Variants in RBM28 observed in about 807,000 individuals in gnomAD.
RBM28 encodes the protein RNA binding motif protein 28.
RBM28 carries 78 observed loss-of-function variants against 98.3 expected under a neutral mutation model. The ratio of observed to expected loss-of-function variants is 0.79; its 90% confidence interval spans 0.66 to 0.96. The LOEUF (loss-of-function observed/expected upper bound fraction) is 0.96, where lower values mean the gene tolerates loss of function less well. Ranked by LOEUF, RBM28 falls within the 40% of genes least tolerant of loss-of-function variation. The probability of loss-of-function intolerance (pLI) is 0.00; values close to 1 mark genes in which losing one functional copy is unlikely to be tolerated. For synonymous variants in RBM28, 306 were observed against 330.9 expected, an observed-to-expected ratio of 0.92 and a Z score of 0.82; for missense variants, 838 against 913.0, an observed-to-expected ratio of 0.92 and a Z score of 1.06.
chr7:128,331,079 C>G, intron 9 of RBM28, 151 bp from the exon 10 acceptor site: 1 of 676,798 alleles, frequency 1.5e-6, no homozygotes, highest in Non-Finnish European at 2.7e-6. Context: ...CCCTTGGCCC[C>G]AACTGACTTT....
At chr7:128,323,409 A>T (rs1006698316) in intron 13 of RBM28, 118 bp downstream of exon 13, 1 of 1,174,696 alleles carries the variant, frequency 8.5e-7, no homozygotes, top group Non-Finnish European at 1.3e-6. Context: ...TAACAGGGCA[A>T]TAAGTATGGT....
chr7:128,302,988 T>G lies in RBM28; in HGVS notation c.*7809A>C, dbSNP rs1248815193. On this transcript the variant is annotated 3_prime_UTR_variant, in exon 19 of 19. Coordinates refer to ENST00000223073, the MANE Select transcript of RBM28 (RefSeq NM_018077.3). ...TATGTTGCCCAGGCTGGTCCTGAAC[T>G]CCTGGCCTCAAGGGATCCTCCCATC... 6.6e-6 allele frequency: 1 copy of G among 152,274 alleles called. No individual in the cohort carries two copies. The highest frequency in any genetic ancestry group is 1.5e-5 in the Non-Finnish European group (1 of 68,160). The allele number at this position is 152,274 out of a possible 1,614,324, so 9.4% of individuals were successfully genotyped here.
Position 128,300,842 on chromosome 7 carries a change from G to A in RBM28, c.*9955C>T, listed in dbSNP as rs561898219. Reference sequence around the variant, plus strand: ...TTTGCTCTGGAAAAGGAGGAACAGGGACCTGGGTGCCATCTCTTCACAGCG... The same window carrying A: ...TTTGCTCTGGAAAAGGAGGAACAGGAACCTGGGTGCCATCTCTTCACAGCG... On this transcript the variant is annotated 3_prime_UTR_variant, in exon 19 of 19. Coordinates refer to ENST00000223073, the MANE Select transcript of RBM28 (RefSeq NM_018077.3). The A allele has an allele frequency of 3.0e-4, 45 of 152,432 alleles. No homozygotes were observed. The highest frequency in any genetic ancestry group is 1.0e-3 in the African/African-American group (42 of 41,570). The allele number at this position is 152,432 out of a possible 1,614,324, so 9.4% of individuals were successfully genotyped here.
chr7:128,322,151 C>T (rs1043486908), intron 13 of RBM28, among the ~76,000 whole-genome samples: 1 of 152,078 alleles, frequency 6.6e-6, no homozygotes, highest in Non-Finnish European at 1.5e-5. Flanking sequence ...ACCAGCTCAA[C>T]TGATTATCTA....
chr7:128,311,226 C>T (rs1795977513), intron 18 of RBM28, among the ~76,000 whole-genome samples: 1 of 152,178 alleles, frequency 6.6e-6, no homozygotes, highest in South Asian at 2.1e-4. Context: ...AGCCTCAAAG[C>T]AGATGAGTCA....
At position 128,297,722 on chromosome 7, in the gene RBM28, A is replaced by G. The variant is rs1795724014; in HGVS notation, c.*13075T>C. 1 of 152,094 alleles carries G rather than the reference A, an allele frequency of 6.6e-6. No individual in the cohort carries two copies. The highest frequency in any genetic ancestry group is 2.4e-5 in the African/African-American group (1 of 41,408). The allele number at this position is 152,094 out of a possible 1,614,324, so 9.4% of individuals were successfully genotyped here. ...GTATGTTTATTGCGGCACTATTCAC[A>G]ATAGCAAAGACTTGGAACCAACCCA... On this transcript the variant is annotated 3_prime_UTR_variant, in exon 19 of 19. Transcript: ENST00000223073.
At chr7:128,314,626 T>C (rs186719998) in intron 17 of RBM28, 138 bp downstream of exon 17, 1,137 of 1,414,652 alleles carry the variant, frequency 8.0e-4, no homozygotes, top group Non-Finnish European at 1.1e-3. Flanking sequence ...ACTCGCGTGT[T>C]AACCCCATGT....
Position 128,324,597 on chromosome 7 carries a change from G to A in RBM28, c.1301C>T (p.Pro434Leu), listed in dbSNP as rs142762468. 2.8e-5 allele frequency: 46 copies of A among 1,614,060 alleles called. No homozygotes were observed. In the African/African-American group the frequency reaches 5.1e-4, roughly 18 times the overall value. Reference protein sequence around the residue: ...AKLQTTKVKKPTGTRNLYLAR... With the variant: ...AKLQTTKVKKLTGTRNLYLAR... ...CAGATAGAGATTCCGGGTGCCAGTC[G>A]GCTTCTTCACCTTCGTCGTCTGAAG... Residue 434 changes from proline (P) to leucine (L), a missense_variant, in exon 12 of 19, where the codon CCG becomes CTG. Transcript: ENST00000223073.
At chr7:128,329,496 T>C (rs1475063165) in intron 10 of RBM28, among the ~76,000 whole-genome samples, 1 of 152,214 alleles carries the variant, frequency 6.6e-6, no homozygotes. Context: ...GTTCTTAAGC[T>C]GTGGATAGGC....
At chr7:128,322,046 C>CAAA (rs10633144) in intron 13 of RBM28, among the ~76,000 whole-genome samples, 92 of 143,922 alleles carry the variant, frequency 6.4e-4, no homozygotes, top group African/African-American at 2.1e-3. Context: ...GAAATTCGGT[C>CAAA]AAAAAAAAAA....
chr7:128,311,761 A>AG (rs1795990498), intron 18 of RBM28, among the ~76,000 whole-genome samples: 1 of 150,940 alleles, frequency 6.6e-6, no homozygotes, highest in South Asian at 2.1e-4. Flanking sequence ...AGAGAGAGAG[A>AG]AAAAAAAAAT....
intron 2 of RBM28, 27 bp from the exon 3 acceptor site, chr7:128,339,348 G>T: frequency 6.5e-7 from 1 of 1,548,972 alleles, no homozygotes; most frequent in Non-Finnish European, 8.9e-7. Flanking sequence ...AATGGAATAA[G>T]TACTCGAAAA....
chr7:128,312,379 C>T (rs557300540), intron 18 of RBM28, among the ~76,000 whole-genome samples: 1 of 152,270 alleles, frequency 6.6e-6, no homozygotes, highest in Non-Finnish European at 1.5e-5. Flanking sequence ...GCCTAGGCAA[C>T]AAGAGCAAAA....
intron 16 of RBM28, among the ~76,000 whole-genome samples, chr7:128,316,042 A>G (rs941227447): frequency 1.3e-5 from 2 of 152,262 alleles, no homozygotes; most frequent in Non-Finnish European, 2.9e-5. Context: ...TAATGTAATG[A>G]TAAGTGTGTG....
Position 128,305,089 on chromosome 7 carries a change from G to T in RBM28, c.*5708C>A, listed in dbSNP as rs1056836768. ...AGGAAGAACTGCTTGAACCTGGGGG[G>T]TGGAGGTTGCAGTGAGCTGAGATCA... On this transcript the variant is annotated 3_prime_UTR_variant, in exon 19 of 19. Coordinates refer to ENST00000223073, the MANE Select transcript of RBM28 (RefSeq NM_018077.3). 1 of 151,728 alleles carries T rather than the reference G, an allele frequency of 6.6e-6. No individual in the cohort carries two copies. The allele number at this position is 151,728 out of a possible 1,614,324, so 9.4% of individuals were successfully genotyped here.
Position 128,301,158 on chromosome 7 carries a change from T to C in RBM28, c.*9639A>G, listed in dbSNP as rs1795777066. 1.3e-5 allele frequency: 2 copies of C among 152,270 alleles called. No individual in the cohort carries two copies. Among genetic ancestry groups the C allele is most frequent in the South Asian group, 4.1e-4 (2 of 4,832 alleles). The allele number at this position is 152,270 out of a possible 1,614,324, so 9.4% of individuals were successfully genotyped here. On this transcript the variant is annotated 3_prime_UTR_variant, in exon 19 of 19. Transcript: ENST00000223073. Reference sequence around the variant, plus strand: ...AGTGGGCAACCAGTCTTTCTCCCCTTTCCTGTGAATTCACTCAGGACACTG... The same window carrying C: ...AGTGGGCAACCAGTCTTTCTCCCCTCTCCTGTGAATTCACTCAGGACACTG...
chr7:128,331,650 G>A (rs893198217), intron 9 of RBM28, among the ~76,000 whole-genome samples: 8 of 151,546 alleles, frequency 5.3e-5, no homozygotes, highest in Non-Finnish European at 1.2e-4. Context: ...TAACACAAAA[G>A]CAAATACAGT....
At chr7:128,338,905 CT>C (rs1270495883) in intron 3 of RBM28, 104 bp from the exon 4 acceptor site, 44 of 906,528 alleles carry the variant, frequency 4.9e-5, no homozygotes, top group Non-Finnish European at 6.8e-5. Flanking sequence ...TGAATGTTTA[CT>C]TTTTTTTATT....
intron 17 of RBM28, among the ~76,000 whole-genome samples, chr7:128,314,175 G>A (rs1446814512): frequency 6.6e-6 from 1 of 152,000 alleles, no homozygotes; most frequent in African/African-American, 2.4e-5. Flanking sequence ...TGTTAACCAG[G>A]ATGGTCTCGA....
Sources: allele counts gnomAD v4.1 joint callset (sites outside exome capture counted in the v4.1 genomes callset), GRCh38; gene constraint gnomAD v4.1.1; transcripts MANE v1.5; gene names NCBI Gene and HGNC (gene_info 2026-07-23, HGNC 2026-07-21).